LOC128706666: variants seen among roughly 807,000 people sequenced by gnomAD.
At chr20:10,433,738 ACAGT>A in the LOC128706666 span, among the ~76,000 whole-genome samples, 2 of 152,018 alleles carry the variant, frequency 1.3e-5, no homozygotes, top group Non-Finnish European at 2.9e-5. Flanking sequence ...CACCCTCCAG[ACAGT>A]CAGGGGCACA....
the LOC128706666 span, among the ~76,000 whole-genome samples, chr20:10,421,101 A>G: frequency 2.0e-5 from 3 of 150,496 alleles, no homozygotes; most frequent in East Asian, 5.9e-4. Flanking sequence ...GCCACAATAG[A>G]GTAAGAGCCT....
the LOC128706666 span, among the ~76,000 whole-genome samples, chr20:10,421,293 G>A: frequency 1.9e-4 from 29 of 151,746 alleles, no homozygotes; most frequent in Admixed American, 5.3e-4. Flanking sequence ...ATATGGTGGC[G>A]CATGCCTGTA....
the LOC128706666 span, among the ~76,000 whole-genome samples, chr20:10,426,877 C>T: frequency 6.6e-6 from 1 of 152,288 alleles, no homozygotes; most frequent in African/African-American, 2.4e-5. Context: ...TTGAGATTAG[C>T]TGGGTTAGTT....
At chr20:10,430,978 T>G in the LOC128706666 span, among the ~76,000 whole-genome samples, 2 of 152,162 alleles carry the variant, frequency 1.3e-5, no homozygotes, top group African/African-American at 4.8e-5. Flanking sequence ...CCACCACAAA[T>G]TAGTTATGGT....
chr20:10,416,716 T>C, the LOC128706666 span, among the ~76,000 whole-genome samples: 2 of 152,292 alleles, frequency 1.3e-5, no homozygotes, highest in South Asian at 2.1e-4. Flanking sequence ...GGAGAAGGAA[T>C]GATAGAATTT....
chr20:10,434,140 C>G, the LOC128706666 span: 1 of 152,780 alleles, frequency 6.5e-6, no homozygotes, highest in Admixed American at 6.5e-5. Context: ...CCCCAGGCCG[C>G]CACCGCCAGA....
the LOC128706666 span, among the ~76,000 whole-genome samples, chr20:10,415,523 T>C: frequency 6.6e-6 from 1 of 152,208 alleles, no homozygotes; most frequent in African/African-American, 2.4e-5. Flanking sequence ...TATTGTCAAC[T>C]TTTGTATGGC....
the LOC128706666 span, among the ~76,000 whole-genome samples, chr20:10,422,724 T>G: frequency 6.6e-6 from 1 of 151,826 alleles, no homozygotes; most frequent in African/African-American, 2.4e-5. Flanking sequence ...TTTTTTTTTT[T>G]TTTGTGAGAC....
the LOC128706666 span, chr20:10,431,966 C>T: frequency 6.6e-6 from 1 of 152,274 alleles, no homozygotes. Context: ...CTTCAAAGCC[C>T]TACCTTTGTG....
At chr20:10,425,999 T>C in the LOC128706666 span, among the ~76,000 whole-genome samples, 34 of 152,316 alleles carry the variant, frequency 2.2e-4, no homozygotes, top group African/African-American at 7.5e-4. Flanking sequence ...ATGTCTTTTG[T>C]TAAGTTTAGA....
At chr20:10,419,093 C>A in the LOC128706666 span, among the ~76,000 whole-genome samples, 1 of 151,952 alleles carries the variant, frequency 6.6e-6, no homozygotes, top group African/African-American at 2.4e-5. Flanking sequence ...GTAATTATAC[C>A]AAAAGTCAAA....
chr20:10,416,690 GTTCCAGC>G, the LOC128706666 span, among the ~76,000 whole-genome samples: 1 of 152,190 alleles, frequency 6.6e-6, no homozygotes, highest in Non-Finnish European at 1.5e-5. Flanking sequence ...ATGGAAAGTT[GTTCCAGC>G]TAATAAATGG....
chr20:10,414,158 T>C, the LOC128706666 span, among the ~76,000 whole-genome samples: 1 of 152,016 alleles, frequency 6.6e-6, no homozygotes. Context: ...AGTGATTCTG[T>C]AAGGCACAAC....
At chr20:10,429,935 C>G in the LOC128706666 span, among the ~76,000 whole-genome samples, 1 of 152,168 alleles carries the variant, frequency 6.6e-6, no homozygotes, top group African/African-American at 2.4e-5. Flanking sequence ...TTAATTAATT[C>G]TTTAGGTAAT....
chr20:10,419,775 G>A, the LOC128706666 span, among the ~76,000 whole-genome samples: 9 of 152,264 alleles, frequency 5.9e-5, no homozygotes, highest in South Asian at 1.9e-3. Context: ...CATCCTGCGT[G>A]GATGAAGTAG....
At chr20:10,421,036 A>C in the LOC128706666 span, among the ~76,000 whole-genome samples, 1 of 152,220 alleles carries the variant, frequency 6.6e-6, no homozygotes, top group Non-Finnish European at 1.5e-5. Flanking sequence ...AGCTATATGA[A>C]TCTTTGAAAA....
At chr20:10,421,168 G>A in the LOC128706666 span, among the ~76,000 whole-genome samples, 10 of 152,014 alleles carry the variant, frequency 6.6e-5, no homozygotes, top group Admixed American at 6.6e-4. Flanking sequence ...GGTGGCTCAC[G>A]CCTGTATTCC....
the LOC128706666 span, among the ~76,000 whole-genome samples, chr20:10,414,265 C>CTTTTTT: frequency 1.7e-4 from 22 of 132,348 alleles, 1 homozygote; most frequent in African/African-American, 4.8e-4. Context: ...GTCTCTGAGT[C>CTTTTTT]TTTTTTTTTT....
chr20:10,424,998 A>G, the LOC128706666 span, among the ~76,000 whole-genome samples: 1 of 151,780 alleles, frequency 6.6e-6, no homozygotes, highest in Non-Finnish European at 1.5e-5. Context: ...GGTTGCAGTG[A>G]GCCAAGATCA....
Sources: gnomAD v4.1 joint callset for allele counts (sites outside exome capture counted in the v4.1 genomes callset) on GRCh38, gnomAD v4.1.1 for gene constraint, MANE v1.5 for transcripts.